Variants in NDUFS1 observed in about 807,000 individuals in gnomAD.
The protein encoded by NDUFS1 is NADH:ubiquinone oxidoreductase core subunit S1.
NDUFS1 carries 61 observed loss-of-function variants against 84.4 expected under a neutral mutation model. The observed-to-expected ratio is 0.72, with a 90% CI of 0.59 to 0.89. NDUFS1 has a LOEUF of 0.89. NDUFS1 is among the 40% of genes least tolerant of loss of function. The pLI is 0.00. For missense variants in NDUFS1, 891 were observed against 890.0 expected, an observed-to-expected ratio of 1.00 and a Z score of -0.01; for synonymous variants, 275 against 290.0, an observed-to-expected ratio of 0.95 and a Z score of 0.53.
intron 13 of NDUFS1, among the ~76,000 whole-genome samples, chr2:206,136,425 T>C (rs1315263574): frequency 7.2e-6 from 1 of 139,244 alleles, no homozygotes; most frequent in African/African-American, 2.8e-5. Context: ...TTTTAGTTGT[T>C]GGTTTTTTTT....
rs1045984129 is a variant in NDUFS1 at position 206,119,997 on chromosome 2, T to G, written c.*4188A>C. Reference sequence around the variant, plus strand: ...TTGGCACCATCACCTTGGTGATGAGTGAGATCTTAGTTCATGTGAAATTTG... The same window carrying G: ...TTGGCACCATCACCTTGGTGATGAGGGAGATCTTAGTTCATGTGAAATTTG... On this transcript the variant is annotated 3_prime_UTR_variant, in exon 19 of 19. Coordinates refer to ENST00000233190, the MANE Select transcript of NDUFS1 (RefSeq NM_005006.7). 1 of 151,570 alleles carries G rather than the reference T, an allele frequency of 6.6e-6. No individual in the cohort carries two copies. The highest frequency in any genetic ancestry group is 2.4e-5 in the African/African-American group (1 of 41,218). 9.4% of individuals were successfully genotyped at this position (151,570 alleles called of 1,614,324 possible).
At position 206,118,563 on chromosome 2, in the gene NDUFS1, T is replaced by C. The variant is rs886976447; in HGVS notation, c.*5622A>G. The C allele has an allele frequency of 3.3e-5, 5 of 152,074 alleles. No homozygotes were observed. The highest frequency in any genetic ancestry group is 1.2e-4 in the African/African-American group (5 of 41,366). The allele number at this position is 152,074 out of a possible 1,614,324, so 9.4% of individuals were successfully genotyped here. A position where few individuals can be genotyped will look rare whatever the true frequency, so the allele number is the denominator to read the frequency against. Reference sequence around the variant, plus strand: ...ATGGCTTGAGCCCAGGAGATGGAGGTTGCAGTGTGCTGAGATCATGCCATG... The same window carrying C: ...ATGGCTTGAGCCCAGGAGATGGAGGCTGCAGTGTGCTGAGATCATGCCATG... On this transcript the variant is annotated 3_prime_UTR_variant, in exon 19 of 19. Coordinates refer to ENST00000233190, the MANE Select transcript of NDUFS1 (RefSeq NM_005006.7).
At chr2:206,143,866 T>C (rs1029659825) in intron 10 of NDUFS1, 152 bp downstream of exon 10, 8 of 655,544 alleles carry the variant, frequency 1.2e-5, no homozygotes. Flanking sequence ...ATCTAGCATA[T>C]GTCCTCAGTA....
At chr2:206,150,600 T>C (rs1326478104) in intron 3 of NDUFS1, among the ~76,000 whole-genome samples, 2 of 152,242 alleles carry the variant, frequency 1.3e-5, no homozygotes, top group Non-Finnish European at 2.9e-5. Context: ...GTCTTTCCTT[T>C]GTGCAGGATG....
rs1054020411 is a variant in NDUFS1 at position 206,118,942 on chromosome 2, G to A, written c.*5243C>T. ...GCCTCTACTAAAAACACAAAAATTA[G>A]CTGGGCGTGGTGGTGTGCTCCTGTA... On this transcript the variant is annotated 3_prime_UTR_variant, in exon 19 of 19. Transcript: ENST00000233190. 2 of 152,224 alleles carry A rather than the reference G, an allele frequency of 1.3e-5. No homozygotes were observed. The highest frequency in any genetic ancestry group is 4.8e-5 in the African/African-American group (2 of 41,444). The allele number at this position is 152,224 out of a possible 1,614,324, so 9.4% of individuals were successfully genotyped here.
Position 206,146,784 on chromosome 2 carries a change from A to C in NDUFS1, c.737+119T>G, listed in dbSNP as rs182330584. The C allele has an allele frequency of 1.4e-5, 13 of 954,374 alleles. No individual in the cohort carries two copies. The East Asian group carries it at 3.4e-4, about 25-fold the overall frequency. The allele number at this position is 954,374 out of a possible 1,614,324, so 59.1% of individuals were successfully genotyped here. ...CCTTCTATTTAAAGGGTTTTACATA[A>C]ACAAACAAAGTCAACAGACCAAAAC... On this transcript the variant is annotated intron_variant, in intron 8 of 18. Transcript: ENST00000233190.
chr2:206,131,130 T>C (rs547944985), intron 14 of NDUFS1, among the ~76,000 whole-genome samples: 4 of 152,300 alleles, frequency 2.6e-5, no homozygotes, highest in African/African-American at 7.2e-5. Context: ...CTAGAAATAG[T>C]AGCCATTCTG....
chr2:206,141,270 C>T (rs1289527886), intron 12 of NDUFS1, among the ~76,000 whole-genome samples: 4 of 151,826 alleles, frequency 2.6e-5, no homozygotes, highest in East Asian at 1.9e-4. Flanking sequence ...AAAGGCCGGG[C>T]GCGGTGGCTC....
chr2:206,132,944 C>G lies in NDUFS1; in HGVS notation c.1553+1G>C. 1 of 1,611,786 alleles carries G rather than the reference C, an allele frequency of 6.2e-7. No homozygotes were observed. On this transcript the variant is annotated splice_donor_variant, in intron 14 of 18. Coordinates refer to ENST00000233190, the MANE Select transcript of NDUFS1 (RefSeq NM_005006.7). LOFTEE classifies it high-confidence loss of function. ...GTATATAAAGCAATTACTCAACAAA[C>G]CTATGAAGGATATTCATAACTTTCC... is the stretch of plus-strand genomic sequence containing the variant.
In NDUFS1 at chr2:206,147,733, G is replaced by A. The variant is rs764817567; in HGVS notation, c.420+20C>T. On this transcript the variant is annotated intron_variant, in intron 6 of 18. Coordinates refer to ENST00000233190, the MANE Select transcript of NDUFS1 (RefSeq NM_005006.7). ...AAAATCTGAGACAACCAAAAAGATT[G>A]ACAGAATTCTACTACATACCTGCAG... 2.5e-6 allele frequency: 4 copies of A among 1,613,674 alleles called. No homozygotes were observed. Among genetic ancestry groups the A allele is most frequent in the African/African-American group, 1.3e-5 (1 of 74,998 alleles).
At chr2:206,135,695 A>C (rs1691683275) in intron 13 of NDUFS1, among the ~76,000 whole-genome samples, 1 of 152,122 alleles carries the variant, frequency 6.6e-6, no homozygotes, top group Non-Finnish European at 1.5e-5. Context: ...GAAAAAAGAA[A>C]AAAAGAAAAG....
rs1226665153 is a variant in NDUFS1, at chr2:206,123,623, C to T, written c.*562G>A. On this transcript the variant is annotated 3_prime_UTR_variant, in exon 19 of 19. Transcript: ENST00000233190. ...GTAAAATGAGATAATACTACTATCT[C>T]ACAGGGTTGTAGCAAGAACAAAAGA... is the stretch of plus-strand genomic sequence containing the variant. The T allele has an allele frequency of 6.6e-6, 1 of 152,478 alleles. No homozygotes were observed. The highest frequency in any genetic ancestry group is 1.5e-5 in the Non-Finnish European group (1 of 68,322). The allele number at this position is 152,478 out of a possible 1,614,324, so 9.4% of individuals were successfully genotyped here. A position where few individuals can be genotyped will look rare whatever the true frequency, so the allele number is the denominator to read the frequency against.
At chr2:206,143,873 A>G (rs1312368282) in intron 10 of NDUFS1, 145 bp downstream of exon 10, 1 of 685,330 alleles carries the variant, frequency 1.5e-6, no homozygotes, top group East Asian at 2.8e-5. Context: ...ATATGTCCTC[A>G]GTAGATGTCT....
chr2:206,136,742 C>T (rs1449203599), intron 13 of NDUFS1, among the ~76,000 whole-genome samples: 1 of 144,584 alleles, frequency 6.9e-6, no homozygotes, highest in Non-Finnish European at 1.5e-5. Context: ...CCGGAAATTC[C>T]TTAGTTTCTT....
Position 206,121,120 on chromosome 2 carries a change from T to C in NDUFS1, c.*3065A>G, listed in dbSNP as rs1218701552. The C allele has an allele frequency of 6.6e-6, 1 of 152,246 alleles. No individual in the cohort carries two copies. Among genetic ancestry groups the C allele is most frequent in the Non-Finnish European group, 1.5e-5 (1 of 68,042 alleles). The allele number at this position is 152,246 out of a possible 1,614,324, so 9.4% of individuals were successfully genotyped here. A position where few individuals can be genotyped will look rare whatever the true frequency, so the allele number is the denominator to read the frequency against. On this transcript the variant is annotated 3_prime_UTR_variant, in exon 19 of 19. Coordinates refer to ENST00000233190, the MANE Select transcript of NDUFS1 (RefSeq NM_005006.7). ...AGAATAGTCTTAATGTATTTAAAGC[T>C]TTAATGGCACTTATTTAGAAGGTCC...
At chr2:206,149,157 C>A in intron 4 of NDUFS1, 61 bp from the exon 5 acceptor site, 1 of 1,211,648 alleles carries the variant, frequency 8.3e-7, no homozygotes, top group Non-Finnish European at 1.2e-6. Context: ...ACAAGCAACT[C>A]AATATATAAA....
At chr2:206,138,390 T>C in intron 13 of NDUFS1, 95 bp downstream of exon 13, 1 of 1,463,358 alleles carries the variant, frequency 6.8e-7, no homozygotes, top group East Asian at 2.5e-5. Flanking sequence ...CTGGTGTAAG[T>C]TTTAACACTT....
intron 18 of NDUFS1, among the ~76,000 whole-genome samples, chr2:206,125,353 C>T (rs2884630): frequency 0.52 from 79,250 of 151,500 alleles, 22,301 homozygotes; most frequent in African/African-American, 0.73. Flanking sequence ...TCCTAGCTAC[C>T]GAGGAGGCTG....
intron 18 of NDUFS1, among the ~76,000 whole-genome samples, chr2:206,125,870 G>A (rs948181964): frequency 8.5e-5 from 13 of 152,126 alleles, no homozygotes; most frequent in South Asian, 6.2e-4. Context: ...TCATAAGTTC[G>A]CAGATAAATA....
Sources: allele counts gnomAD v4.1 joint callset (sites outside exome capture counted in the v4.1 genomes callset), GRCh38; gene constraint gnomAD v4.1.1; transcripts MANE v1.5; gene names NCBI Gene and HGNC (gene_info 2026-07-23, HGNC 2026-07-21).